The following BTBD9 variants were observed in gnomAD, a reference collection of about 807,000 sequenced individuals.
BTBD9 encodes the protein BTB/POZ domain-containing protein 9.
In BTBD9, 49 loss-of-function variants were observed where a neutral mutation model predicts 64.3. That is an observed-to-expected ratio of 0.76 (90% CI 0.61 to 0.97). BTBD9 has a LOEUF of 0.97. Among genes scored for constraint, BTBD9 ranks in the 50% least tolerant of loss-of-function variants. The pLI is 0.00. For synonymous variants in BTBD9, 260 were observed against 274.7 expected (o/e 0.95, Z 0.53); for missense variants, 598 against 762.1 (o/e 0.78, Z 2.53).
chr6:38,448,095 A>G, intron 6 of BTBD9, among the ~76,000 whole-genome samples: 1 of 152,224 alleles, frequency 6.6e-6, no homozygotes, highest in East Asian at 1.9e-4. Context: ...CAAGGGACAT[A>G]CGGGAGGAAC....
chr6:38,250,215 AC>A (rs1358670313), intron 9 of BTBD9, among the ~76,000 whole-genome samples: 3 of 152,228 alleles, frequency 2.0e-5, no homozygotes, highest in Non-Finnish European at 4.4e-5. Flanking sequence ...AATTGAGGAA[AC>A]AGTGTTACTA....
intron 9 of BTBD9, among the ~76,000 whole-genome samples, chr6:38,228,481 T>C (rs1763487080): frequency 6.6e-6 from 1 of 151,844 alleles, no homozygotes; most frequent in Non-Finnish European, 1.5e-5. Context: ...AGGATGTTGA[T>C]ACTTGGGGAG....
intron 6 of BTBD9, among the ~76,000 whole-genome samples, chr6:38,499,144 C>A (rs1488372416): frequency 9.1e-5 from 13 of 142,344 alleles, no homozygotes; most frequent in African/African-American, 3.1e-4. Context: ...AGCAATACAC[C>A]AAAAAAAAAA....
intron 8 of BTBD9, among the ~76,000 whole-genome samples, chr6:38,286,500 A>G (rs971734608): frequency 9.8e-5 from 15 of 152,302 alleles, no homozygotes; most frequent in Admixed American, 8.5e-4. Flanking sequence ...TAAGATATAC[A>G]TATACATATA....
In BTBD9 at chr6:38,247,173, A is replaced by T. The variant is rs72849856; in HGVS notation, c.1562+9236T>A. Among the ~76,000 whole-genome samples the T allele has an allele frequency of 8.1e-3, 1,229 of 151,946 alleles. 3 individuals are homozygous for T. Among genetic ancestry groups the T allele is most frequent in the Middle Eastern group, 0.017 (5 of 294 alleles). ...GAAGATGTAAAAAAAAAAAAATCAC[A>T]GGCAAAGTAAATTGTCTCTAGATTT... On this transcript the variant is annotated intron_variant, in intron 9 of 10. Coordinates refer to ENST00000481247, the MANE Select transcript of BTBD9 (RefSeq NM_001099272.2).
Position 38,230,495 on chromosome 6 carries a change from CAAAAAAAAAAA to C in BTBD9, c.1562+25903_1562+25913del, listed in dbSNP as rs55927635. On this transcript the variant is annotated intron_variant, in intron 9 of 10. Coordinates refer to ENST00000481247, the MANE Select transcript of BTBD9 (RefSeq NM_001099272.2). ...GGGCAACAAGAGCAAAACTCCATCT[CAAAAAAAAAAA>C]AAAAAAAAAAAAAAAGACATAAGTT... Among the ~76,000 whole-genome samples, 73 of 63,462 alleles carry C rather than the reference CAAAAAAAAAAA, an allele frequency of 1.2e-3. 1 individual carries two copies. The highest frequency in any genetic ancestry group is 4.2e-3 in the African/African-American group (65 of 15,570). The allele number at this position is 63,462 out of a possible 152,430, so 41.6% of individuals were successfully genotyped here.
At chr6:38,313,229 G>A (rs924450111) in intron 7 of BTBD9, among the ~76,000 whole-genome samples, 5 of 152,118 alleles carry the variant, frequency 3.3e-5, no homozygotes, top group Admixed American at 1.3e-4. Flanking sequence ...TGCTACTGGT[G>A]ATTTTCTATC....
At chr6:38,532,314 G>A (rs551551969) in intron 6 of BTBD9, among the ~76,000 whole-genome samples, 8 of 152,288 alleles carry the variant, frequency 5.3e-5, no homozygotes, top group East Asian at 3.9e-4. Flanking sequence ...TCTCACCAAC[G>A]TGGGCTAAAG....
chr6:38,624,003 C>A (rs114772740), intron 1 of BTBD9, among the ~76,000 whole-genome samples: 8 of 152,180 alleles, frequency 5.3e-5, no homozygotes, highest in Non-Finnish European at 1.2e-4. Context: ...CAGTTCCCAA[C>A]GGCAGTTTGG....
chr6:38,375,795 A>T (rs1765655345), intron 6 of BTBD9, among the ~76,000 whole-genome samples: 1 of 152,074 alleles, frequency 6.6e-6, no homozygotes, highest in Non-Finnish European at 1.5e-5. Context: ...TAGGTTTTGG[A>T]CATCAGTTTA....
intron 7 of BTBD9, among the ~76,000 whole-genome samples, chr6:38,329,858 C>T (rs528724735): frequency 8.6e-5 from 13 of 151,908 alleles, no homozygotes; most frequent in East Asian, 4.0e-4. Flanking sequence ...GAGGCTGAAG[C>T]GGGAGAATTG....
At chr6:38,597,464 T>G (rs180986622) in intron 2 of BTBD9, among the ~76,000 whole-genome samples, 1 of 152,314 alleles carries the variant, frequency 6.6e-6, no homozygotes. Context: ...CAACAACAGC[T>G]GCATACAAGT....
At chr6:38,244,774 C>T (rs1764125725) in intron 9 of BTBD9, among the ~76,000 whole-genome samples, 1 of 152,154 alleles carries the variant, frequency 6.6e-6, no homozygotes, top group Non-Finnish European at 1.5e-5. Flanking sequence ...AAAACTGAGC[C>T]TCTGGCAATA....
chr6:38,437,509 T>C (rs777294154), intron 6 of BTBD9, among the ~76,000 whole-genome samples: 2 of 152,248 alleles, frequency 1.3e-5, no homozygotes, highest in Non-Finnish European at 2.9e-5. Flanking sequence ...AAATAATATA[T>C]GTCTTTTTCT....
chr6:38,354,205 AAG>A (rs931882716), intron 6 of BTBD9, among the ~76,000 whole-genome samples: 1 of 152,170 alleles, frequency 6.6e-6, no homozygotes, highest in Non-Finnish European at 1.5e-5. Flanking sequence ...GAGAGTGATA[AAG>A]AGAGCACAGG....
chr6:38,286,232 C>T (rs143331162), intron 8 of BTBD9, among the ~76,000 whole-genome samples: 18 of 152,302 alleles, frequency 1.2e-4, no homozygotes, highest in African/African-American at 3.8e-4. Context: ...AATCCACAGT[C>T]TGAATTCTCC....
chr6:38,592,057 G>A (rs1280831989), intron 4 of BTBD9, among the ~76,000 whole-genome samples: 3 of 151,672 alleles, frequency 2.0e-5, no homozygotes, highest in African/African-American at 7.3e-5. Context: ...GTGGCGGGTG[G>A]CTGTAATCCC....
intron 6 of BTBD9, among the ~76,000 whole-genome samples, chr6:38,369,393 C>A (rs1325639327): frequency 6.6e-6 from 1 of 152,186 alleles, no homozygotes; most frequent in African/African-American, 2.4e-5. Flanking sequence ...CTAATAGAAT[C>A]TCTGAATCAC....
At chr6:38,547,632 GTGCTGTTCCTTCATCCGTTCA>G (rs1340691865) in intron 6 of BTBD9, among the ~76,000 whole-genome samples, 2 of 151,916 alleles carry the variant, frequency 1.3e-5, no homozygotes, top group African/African-American at 4.8e-5. Flanking sequence ...GTCTCTGTAC[GTGCTGTTCCTTCATCCGTTCA>G]TGCTGTTCCT....
Sources: gnomAD v4.1 joint callset for allele counts (sites outside exome capture counted in the v4.1 genomes callset) on GRCh38, gnomAD v4.1.1 for gene constraint, MANE v1.5 for transcripts, NCBI Gene and HGNC (gene_info 2026-07-23, HGNC 2026-07-21) for gene names.